Variants in APTX observed in about 807,000 individuals in gnomAD.
APTX encodes the protein forkhead-associated domain histidine triad-like protein.
APTX carries 33 observed loss-of-function variants against 42.3 expected under a neutral mutation model. The ratio of observed to expected loss-of-function variants is 0.78; its 90% CI spans 0.59 to 1.04. APTX has a LOEUF of 1.04. APTX is among the 50% of genes least tolerant of loss of function. The pLI is 0.00. For synonymous variants in APTX, 130 were observed against 146.7 expected (o/e 0.89, Z 0.82); for missense variants, 421 against 415.1 (o/e 1.01, Z -0.12).
chr9:33,004,858 T>C (rs1837023097), upstream of APTX, among the ~76,000 whole-genome samples: 1 of 151,790 alleles, frequency 6.6e-6, no homozygotes, highest in South Asian at 2.1e-4. Flanking sequence ...GCCAGGCTGA[T>C]CTCAAACTCC....
chr9:33,021,148 A>G (rs1838347770), intron 1 of APTX, among the ~76,000 whole-genome samples: 1 of 151,726 alleles, frequency 6.6e-6, no homozygotes. Context: ...AAAAAAAGAA[A>G]GTATGAAATA....
At position 32,972,741 on chromosome 9, in the gene APTX, C is replaced by T; in HGVS notation, c.*757G>A. On this transcript the variant is annotated 3_prime_UTR_variant, in exon 8 of 8. Coordinates refer to ENST00000379817, the MANE Select transcript of APTX (RefSeq NM_001195248.2). ...ATTGTTAGCTGAACTTCAATAGTTT[C>T]CACCTACTTAAGAGAGATGCCTCAA... The T allele has an allele frequency of 2.2e-6, 1 of 454,126 alleles. No homozygotes were observed. Among genetic ancestry groups the T allele is most frequent in the South Asian group, 1.6e-5 (1 of 64,472 alleles). The allele number at this position is 454,126 out of a possible 1,614,324, so 28.1% of individuals were successfully genotyped here. A position where few individuals can be genotyped will look rare whatever the true frequency, so the allele number is the denominator to read the frequency against.
intron 1 of APTX, among the ~76,000 whole-genome samples, chr9:33,013,406 T>C (rs1379659133): frequency 6.6e-6 from 1 of 152,142 alleles, no homozygotes; most frequent in Non-Finnish European, 1.5e-5. Flanking sequence ...GACAGTGCCA[T>C]TGCTGTTGAA....
In APTX at chr9:32,992,355, G is replaced by A. The variant is rs556777684; in HGVS notation, c.-4-2460C>T. 3.9e-5 allele frequency among the ~76,000 whole-genome samples: 6 copies of A among 152,344 alleles called. No homozygotes were observed. In the South Asian group the frequency reaches 6.2e-4, roughly 16 times the overall value. On this transcript the variant is annotated intron_variant, in intron 1 of 7. Transcript: ENST00000379817. ...AAATTCAAATGAATAAGATTAGTGCGAGTATATGAGTACTAAGGAGGTAAA... is the reference window on the plus strand; with the variant it reads ...AAATTCAAATGAATAAGATTAGTGCAAGTATATGAGTACTAAGGAGGTAAA...
chr9:32,976,656 A>G (rs987399387), intron 6 of APTX, among the ~76,000 whole-genome samples: 1 of 152,218 alleles, frequency 6.6e-6, no homozygotes, highest in Non-Finnish European at 1.5e-5. Flanking sequence ...TCTTCCTATG[A>G]GGGAAAAAAA....
chr9:32,976,160 T>A (rs1376715614), intron 6 of APTX, among the ~76,000 whole-genome samples: 1 of 142,456 alleles, frequency 7.0e-6, no homozygotes, highest in African/African-American at 2.7e-5. Context: ...TTCTCACTCA[T>A]AGGTGGGAAC....
intron 1 of APTX, among the ~76,000 whole-genome samples, chr9:32,999,710 T>C (rs1348677052): frequency 6.6e-6 from 1 of 152,192 alleles, no homozygotes; most frequent in Non-Finnish European, 1.5e-5. Context: ...GTGCGGTGGC[T>C]CACGCCTGTA....
intron 1 of APTX, among the ~76,000 whole-genome samples, chr9:32,993,701 T>C (rs546152853): frequency 7.1e-4 from 107 of 151,502 alleles, no homozygotes; most frequent in Middle Eastern, 3.4e-3. Flanking sequence ...CCCAATTCTC[T>C]ATTTTTCACC....
At chr9:33,000,539 T>G (rs1285916764) in intron 1 of APTX, among the ~76,000 whole-genome samples, 1 of 140,058 alleles carries the variant, frequency 7.1e-6, no homozygotes, top group Non-Finnish European at 1.5e-5. Context: ...GAGGCAGAGA[T>G]AGCTTGAACC....
chr9:32,979,091 G>A (rs1830110639), intron 6 of APTX, among the ~76,000 whole-genome samples: 1 of 152,014 alleles, frequency 6.6e-6, no homozygotes, highest in Non-Finnish European at 1.5e-5. Context: ...TGCTATATAG[G>A]TAAATTGTAT....
At chr9:33,009,190 A>T (rs1313700920) in intron 1 of APTX, among the ~76,000 whole-genome samples, 1 of 152,294 alleles carries the variant, frequency 6.6e-6, no homozygotes, top group East Asian at 1.9e-4. Context: ...TTTGTGGAAA[A>T]TTTTATTTCA....
chr9:33,019,458 T>A (rs1248755707), intron 1 of APTX, among the ~76,000 whole-genome samples: 1 of 152,212 alleles, frequency 6.6e-6, no homozygotes, highest in Non-Finnish European at 1.5e-5. Flanking sequence ...TACTTTCCAC[T>A]TTGTGCCGAT....
At chr9:32,996,276 C>CTT (rs761753095) in intron 1 of APTX, among the ~76,000 whole-genome samples, 2 of 32,030 alleles carry the variant, frequency 6.2e-5, no homozygotes, top group Non-Finnish European at 1.6e-4. Flanking sequence ...AAATAAATCG[C>CTT]TCTTTTTTTT....
At chr9:33,019,668 A>G (rs1838208046) in intron 1 of APTX, 1 of 448,630 alleles carries the variant, frequency 2.2e-6, no homozygotes, top group Non-Finnish European at 4.1e-6. Context: ...AGGAGACGCA[A>G]GGTTAGACCT....
intron 1 of APTX, among the ~76,000 whole-genome samples, chr9:33,012,063 C>T (rs1837579148): frequency 1.3e-5 from 2 of 152,176 alleles, no homozygotes; most frequent in Non-Finnish European, 2.9e-5. Context: ...ACAAGCAAAG[C>T]TCCAGCTGTC....
chr9:33,021,750 A>C (rs1159686362), intron 1 of APTX, among the ~76,000 whole-genome samples: 3 of 152,190 alleles, frequency 2.0e-5, no homozygotes, highest in African/African-American at 4.8e-5. Flanking sequence ...TTTGGAGAAA[A>C]ATAAAGATCA....
chr9:33,019,850 T>C, intron 1 of APTX: 1 of 647,474 alleles, frequency 1.5e-6, no homozygotes, highest in Non-Finnish European at 2.8e-6. Context: ...TGTGAGATCC[T>C]TCCCAACCAC....
At chr9:33,007,027 A>G (rs1459252850) in intron 1 of APTX, among the ~76,000 whole-genome samples, 34 of 148,020 alleles carry the variant, frequency 2.3e-4, no homozygotes, top group Non-Finnish European at 3.0e-5. Flanking sequence ...AAAAAAAGAA[A>G]GAAAGAAAGA....
At chr9:32,981,507 G>A (rs868267880) in intron 6 of APTX, among the ~76,000 whole-genome samples, 2 of 152,040 alleles carry the variant, frequency 1.3e-5, no homozygotes, top group African/African-American at 4.8e-5. Context: ...GGACACCCTG[G>A]AATCAACCAC....
Sources: allele counts gnomAD v4.1 joint callset (sites outside exome capture counted in the v4.1 genomes callset), GRCh38; gene constraint gnomAD v4.1.1; transcripts MANE v1.5; gene names NCBI Gene and HGNC (gene_info 2026-07-23, HGNC 2026-07-21).